Variants in CCDC171 observed in about 807,000 individuals in gnomAD.
The protein encoded by CCDC171 is coiled-coil domain-containing protein 171.
A neutral mutation model predicts 168.2 loss-of-function variants in CCDC171; 177 were observed. That is an observed-to-expected ratio of 1.05 (90% CI 0.93 to 1.19). The LOEUF is 1.19. CCDC171 is among the 50% of genes most tolerant of loss of function. The pLI is 0.00. For missense variants in CCDC171, 1,991 were observed against 1,539.0 expected (o/e 1.29, Z -4.91); for synonymous variants, 687 against 540.8 (o/e 1.27, Z -3.75).
At chr9:15,648,598 C>G (rs139519962) in intron 7 of CCDC171, among the ~76,000 whole-genome samples, 221 of 152,236 alleles carry the variant, frequency 1.5e-3, no homozygotes, top group African/African-American at 5.1e-3. Context: ...TTCTTATACA[C>G]CAATAACAGA....
At chr9:15,589,029 A>G (rs2041799393) in intron 4 of CCDC171, among the ~76,000 whole-genome samples, 1 of 151,314 alleles carries the variant, frequency 6.6e-6, no homozygotes, top group South Asian at 2.1e-4. Flanking sequence ...TTTTAGAGCT[A>G]TGTTGTTGCC....
intron 7 of CCDC171, among the ~76,000 whole-genome samples, chr9:15,640,620 A>G (rs946746835): frequency 2.0e-5 from 3 of 152,146 alleles, no homozygotes; most frequent in Non-Finnish European, 2.9e-5. Flanking sequence ...TTAGAAATAT[A>G]AATGCTTACA....
At chr9:15,667,704 G>T (rs1553728) in intron 9 of CCDC171, among the ~76,000 whole-genome samples, 70,622 of 152,008 alleles carry the variant, frequency 0.46, 16,898 homozygotes, top group East Asian at 0.76. Flanking sequence ...GTGAAAGTGT[G>T]ATTTAAATAG....
chr9:16,074,305 C>T, the CCDC171 span, among the ~76,000 whole-genome samples: 10 of 152,116 alleles, frequency 6.6e-5, no homozygotes, highest in Non-Finnish European at 1.5e-4. Context: ...GGATATATGT[C>T]TTGAAAACCA....
At chr9:15,739,370 G>T (rs1034100486) in intron 16 of CCDC171, among the ~76,000 whole-genome samples, 4 of 152,194 alleles carry the variant, frequency 2.6e-5, no homozygotes, top group African/African-American at 7.2e-5. Context: ...GTGGGAGAAG[G>T]TGAATTCTTT....
Position 15,973,262 on chromosome 9 carries a change from T to G in CCDC171, c.*1426T>G, listed in dbSNP as rs1831510748. On this transcript the variant is annotated 3_prime_UTR_variant, in exon 26 of 26. Coordinates refer to ENST00000380701, the MANE Select transcript of CCDC171 (RefSeq NM_173550.4). The stretch of plus-strand genomic sequence containing the variant: ...CTATTTTTTATATTATTTTTCATTA[T>G]GGAATCTTTCATTATGGATACATTA... 6.6e-6 allele frequency: 1 copy of G among 152,232 alleles called. No individual in the cohort carries two copies. Among genetic ancestry groups the G allele is most frequent in the Non-Finnish European group, 1.5e-5 (1 of 68,042 alleles). 9.4% of individuals were successfully genotyped at this position (152,232 alleles called of 1,614,324 possible).
intron 24 of CCDC171, among the ~76,000 whole-genome samples, chr9:15,918,973 G>A (rs1322011864): frequency 6.6e-6 from 1 of 151,610 alleles, no homozygotes; most frequent in Non-Finnish European, 1.5e-5. Context: ...CACTATCCCT[G>A]AAGCTCCAAA....
chr9:15,870,792 C>T (rs1588937338), intron 23 of CCDC171, among the ~76,000 whole-genome samples: 1 of 147,542 alleles, frequency 6.8e-6, no homozygotes, highest in South Asian at 2.1e-4. Flanking sequence ...GCAGAAATAG[C>T]TTTTTTTTTT....
At chr9:15,602,083 C>T (rs2131664045) in intron 6 of CCDC171, among the ~76,000 whole-genome samples, 1 of 152,248 alleles carries the variant, frequency 6.6e-6, no homozygotes, top group African/African-American at 2.4e-5. Flanking sequence ...TGCTTTGCTG[C>T]TTTTGTAAGG....
downstream of CCDC171, among the ~76,000 whole-genome samples, chr9:16,063,913 T>G (rs2133090231): frequency 6.6e-6 from 1 of 152,332 alleles, no homozygotes; most frequent in East Asian, 1.9e-4. Context: ...GAGACCTTCT[T>G]ATTGTTCCAA....
upstream of CCDC171, among the ~76,000 whole-genome samples, chr9:15,552,891 C>A (rs73410253): frequency 0.042 from 6,432 of 152,210 alleles, 303 homozygotes; most frequent in South Asian, 0.11. Context: ...GCGCATGCGC[C>A]CGTTCGTCCC....
At chr9:15,564,477 A>AT (rs1264305839) in intron 2 of CCDC171, among the ~76,000 whole-genome samples, 6 of 152,052 alleles carry the variant, frequency 3.9e-5, no homozygotes, top group African/African-American at 1.2e-4. Context: ...TGTGGCTTTA[A>AT]TTCCTCTTTC....
At chr9:15,822,080 G>A (rs1354488508) in intron 21 of CCDC171, among the ~76,000 whole-genome samples, 1 of 152,146 alleles carries the variant, frequency 6.6e-6, no homozygotes, top group African/African-American at 2.4e-5. Context: ...CAAGAAATGT[G>A]GAAAGGATTC....
At chr9:16,058,688 C>CAG (rs1833882409) in intron 1 of CCDC171, among the ~76,000 whole-genome samples, 3 of 152,208 alleles carry the variant, frequency 2.0e-5, no homozygotes, top group Admixed American at 2.0e-4. Context: ...TGAGATACTT[C>CAG]AGGTAAAGCC....
At chr9:15,865,193 G>T (rs1351077861) in intron 23 of CCDC171, among the ~76,000 whole-genome samples, 2 of 152,024 alleles carry the variant, frequency 1.3e-5, no homozygotes, top group African/African-American at 4.8e-5. Context: ...TTTTGGATTT[G>T]CTTCTTCAGA....
chr9:15,653,733 A>G (rs2047708311), intron 7 of CCDC171, among the ~76,000 whole-genome samples: 1 of 152,034 alleles, frequency 6.6e-6, no homozygotes, highest in African/African-American at 2.4e-5. Context: ...TTTAGTATGT[A>G]TTTTTTAAAA....
chr9:15,646,373 A>C (rs2047038691), intron 7 of CCDC171, among the ~76,000 whole-genome samples: 1 of 152,192 alleles, frequency 6.6e-6, no homozygotes, highest in African/African-American at 2.4e-5. Flanking sequence ...CTAACATCAT[A>C]ATGACAGGAT....
chr9:15,630,729 T>C (rs2045609077), intron 7 of CCDC171, among the ~76,000 whole-genome samples: 1 of 151,816 alleles, frequency 6.6e-6, no homozygotes, highest in East Asian at 1.9e-4. Context: ...ATACATTTTT[T>C]TCAGCACCAC....
At chr9:15,842,703 T>A (rs1221311954) in intron 21 of CCDC171, among the ~76,000 whole-genome samples, 1 of 151,980 alleles carries the variant, frequency 6.6e-6, no homozygotes, top group East Asian at 1.9e-4. Context: ...GTGGATTACA[T>A]CTCAATAAAG....
Sources: allele counts gnomAD v4.1 joint callset (sites outside exome capture counted in the v4.1 genomes callset), GRCh38; gene constraint gnomAD v4.1.1; transcripts MANE v1.5; gene names NCBI Gene and HGNC (gene_info 2026-07-23, HGNC 2026-07-21).